The following STPG2 variants were observed in gnomAD, a reference collection of about 807,000 sequenced individuals.
STPG2 encodes the protein sperm tail PG-rich repeat containing 2, also known as sperm-tail PG-rich repeat-containing protein 2.
A neutral mutation model predicts 54.2 loss-of-function variants in STPG2; 56 were observed. The ratio of observed to expected loss-of-function variants is 1.03; its 90% CI spans 0.83 to 1.29. STPG2 has a LOEUF of 1.29. STPG2 is among the 50% of genes most tolerant of loss of function. The probability of loss-of-function intolerance (pLI) is 0.00; values close to 1 mark genes in which losing one functional copy is unlikely to be tolerated. For synonymous variants in STPG2, 200 were observed against 181.8 expected, an observed-to-expected ratio of 1.10 and a Z score of -0.81; for missense variants, 596 against 544.9, an observed-to-expected ratio of 1.09 and a Z score of -0.93.
intron 9 of STPG2, among the ~76,000 whole-genome samples, chr4:97,719,694 A>G (rs1450919280): frequency 6.6e-6 from 1 of 151,928 alleles, no homozygotes; most frequent in Non-Finnish European, 1.5e-5. Context: ...GAGCCTCTAT[A>G]AATGCTTATT....
chr4:97,702,351 C>G (rs1723804415), intron 10 of STPG2, among the ~76,000 whole-genome samples: 1 of 152,160 alleles, frequency 6.6e-6, no homozygotes. Context: ...TCCTTAATAT[C>G]CATTCCCATG....
intron 4 of STPG2, among the ~76,000 whole-genome samples, chr4:97,500,968 T>C (rs142622718): frequency 3.7e-4 from 57 of 152,150 alleles, no homozygotes; most frequent in Middle Eastern, 3.4e-3. Flanking sequence ...AGGTGATCAA[T>C]CAAGCACTTT....
chr4:97,950,665 T>C (rs1231023891), intron 7 of STPG2, among the ~76,000 whole-genome samples: 1 of 152,166 alleles, frequency 6.6e-6, no homozygotes, highest in Non-Finnish European at 1.5e-5. Context: ...CTGAGAAAAT[T>C]ATTTCAGTGA....
chr4:97,513,073 C>T (rs1018194216), intron 4 of STPG2, among the ~76,000 whole-genome samples: 10 of 152,106 alleles, frequency 6.6e-5, no homozygotes, highest in Non-Finnish European at 1.3e-4. Context: ...TTAGGGTTTC[C>T]ATGACTCCTT....
At chr4:97,609,181 T>A (rs1432174044) in intron 10 of STPG2, among the ~76,000 whole-genome samples, 1 of 152,082 alleles carries the variant, frequency 6.6e-6, no homozygotes, top group Non-Finnish European at 1.5e-5. Flanking sequence ...GGGAATATTG[T>A]TGCTGATTAA....
intron 4 of STPG2, among the ~76,000 whole-genome samples, chr4:97,515,887 C>G (rs1005741659): frequency 6.6e-6 from 1 of 151,842 alleles, no homozygotes; most frequent in Non-Finnish European, 1.5e-5. Context: ...AATGTTATGT[C>G]GAATATTTTC....
rs150284114 is a variant in STPG2, at chr4:97,535,863, A to T, written c.462+176836T>A. ...CCATCTGAGGCTATAGTTCCATATG[A>T]GTTAGACTGCTGGATATTGCTCTGC... On this transcript the variant is annotated intron_variant, in intron 4 of 4. Transcript: ENST00000522676. 4.1e-3 allele frequency among the ~76,000 whole-genome samples: 631 copies of T among 152,254 alleles called. 3 individuals carry two copies. Among genetic ancestry groups the T allele is most frequent in the South Asian group, 0.02 (98 of 4,826 alleles).
chr4:97,589,950 T>C (rs1733094892), intron 10 of STPG2, among the ~76,000 whole-genome samples: 1 of 152,174 alleles, frequency 6.6e-6, no homozygotes, highest in African/African-American at 2.4e-5. Context: ...AAACCCTCTA[T>C]GGTGTTTGTA....
At chr4:97,890,629 A>C (rs1020009289) in intron 8 of STPG2, among the ~76,000 whole-genome samples, 2 of 151,914 alleles carry the variant, frequency 1.3e-5, no homozygotes, top group African/African-American at 4.8e-5. Context: ...TACTACAGTA[A>C]GGAATTATAG....
At chr4:97,662,707 T>G (rs1722409614) in intron 10 of STPG2, among the ~76,000 whole-genome samples, 1 of 152,158 alleles carries the variant, frequency 6.6e-6, no homozygotes, top group African/African-American at 2.4e-5. Context: ...AAATATTGCA[T>G]GTTGTCATTT....
At chr4:97,579,846 T>C (rs1184651706) in intron 10 of STPG2, among the ~76,000 whole-genome samples, 1 of 152,044 alleles carries the variant, frequency 6.6e-6, no homozygotes, top group African/African-American at 2.4e-5. Flanking sequence ...TATTTTACAA[T>C]TGACCAAATC....
At chr4:97,604,794 A>C (rs567461769) in intron 10 of STPG2, among the ~76,000 whole-genome samples, 1 of 151,898 alleles carries the variant, frequency 6.6e-6, no homozygotes, top group East Asian at 1.9e-4. Flanking sequence ...TTACATTCTA[A>C]ACCAAACATA....
intron 8 of STPG2, among the ~76,000 whole-genome samples, chr4:97,851,639 T>C (rs781090460): frequency 7.9e-5 from 12 of 152,300 alleles, no homozygotes; most frequent in South Asian, 4.1e-4. Flanking sequence ...AGAAACGATA[T>C]AGAAGTAGAA....
chr4:97,996,592 C>CCTAATTAAACT (rs150498304), intron 5 of STPG2, among the ~76,000 whole-genome samples: 4 of 151,626 alleles, frequency 2.6e-5, no homozygotes, highest in African/African-American at 9.7e-5. Context: ...GCAACAAAAA[C>CCTAATTAAACT]AAAGAGCTCT....
At chr4:97,679,884 A>T (rs1393125069) in intron 10 of STPG2, among the ~76,000 whole-genome samples, 1 of 151,750 alleles carries the variant, frequency 6.6e-6, no homozygotes, top group African/African-American at 2.4e-5. Context: ...TAAATAGGGA[A>T]TCCTTTCCCC....
At chr4:97,813,847 A>G (rs1727825137) in intron 9 of STPG2, among the ~76,000 whole-genome samples, 1 of 151,892 alleles carries the variant, frequency 6.6e-6, no homozygotes, top group African/African-American at 2.4e-5. Flanking sequence ...GGGTTGAGAA[A>G]CTACAGCTCT....
chr4:97,937,091 C>A (rs1732770927), intron 8 of STPG2, among the ~76,000 whole-genome samples: 1 of 151,836 alleles, frequency 6.6e-6, no homozygotes, highest in South Asian at 2.1e-4. Flanking sequence ...ATTCTTTTTT[C>A]TCTAAACTTG....
At position 97,528,485 on chromosome 4, in the gene STPG2, T is replaced by C. The variant is rs573094704; in HGVS notation, c.462+184214A>G. 7.2e-5 allele frequency among the ~76,000 whole-genome samples: 11 copies of C among 152,276 alleles called. No homozygotes were observed. In the East Asian group the frequency reaches 1.4e-3, roughly 19 times the overall value. On this transcript the variant is annotated intron_variant, in intron 4 of 4. Transcript: ENST00000522676. Reference sequence around the variant, plus strand: ...TTAGGATTGTCTTGGCTATAAGGGCTCTTTTTGGTTAAATATGAAATTTAA... The same window carrying C: ...TTAGGATTGTCTTGGCTATAAGGGCCCTTTTTGGTTAAATATGAAATTTAA...
intron 4 of STPG2, among the ~76,000 whole-genome samples, chr4:97,513,830 A>G (rs1037092506): frequency 6.6e-6 from 1 of 152,128 alleles, no homozygotes; most frequent in Non-Finnish European, 1.5e-5. Context: ...GATATTTCTG[A>G]CAGTTTTCAT....
Sources: allele counts gnomAD v4.1 joint callset (sites outside exome capture counted in the v4.1 genomes callset), GRCh38; gene constraint gnomAD v4.1.1; transcripts MANE v1.5; gene names NCBI Gene and HGNC (gene_info 2026-07-23, HGNC 2026-07-21).